The following TMEM39B variants were observed in gnomAD, a reference collection of about 807,000 sequenced individuals.
The protein encoded by TMEM39B is transmembrane protein 39B.
In TMEM39B, 23 loss-of-function variants were observed where a neutral mutation model predicts 52.2. The observed-to-expected ratio is 0.44, with a 90% CI of 0.32 to 0.62. The LOEUF (loss-of-function observed/expected upper bound fraction) is 0.62, where lower values mean the gene tolerates loss of function less well. Ranked by LOEUF, TMEM39B falls within the 20% of genes least tolerant of loss-of-function variation. The pLI, the probability that TMEM39B is intolerant of heterozygous loss-of-function variation, is 0.06. For missense variants in TMEM39B, 547 were observed against 642.0 expected (o/e 0.85, Z 1.60); for synonymous variants, 285 against 264.0 (o/e 1.08, Z -0.77).
intron 1 of TMEM39B, among the ~76,000 whole-genome samples, chr1:32,074,309 A>AGTT (rs1639761877): frequency 6.6e-6 from 1 of 152,100 alleles, no homozygotes; most frequent in African/African-American, 2.4e-5. Flanking sequence ...AGGCCTCCAG[A>AGTT]AACTTATGTC....
chr1:32,096,111 TCTC>T lies in TMEM39B; in HGVS notation c.1115+1144_1115+1146del, dbSNP rs569417688. ...CTGCTCTTCAGCAAAGCAAAGCAAATCTCCTCAGGTCCTCATATGCTTTATGCA... is the reference window on the plus strand; with the variant it reads ...CTGCTCTTCAGCAAAGCAAAGCAAATCTCAGGTCCTCATATGCTTTATGCA... On this transcript the variant is annotated intron_variant, in intron 7 of 8. Transcript: ENST00000336294. Among the ~76,000 whole-genome samples the T allele has an allele frequency of 1.5e-3, 227 of 152,246 alleles. 2 individuals are homozygous for T. Among genetic ancestry groups the T allele is most frequent in the African/African-American group, 5.3e-3 (222 of 41,558 alleles).
intron 1 of TMEM39B, chr1:32,073,372 C>T (rs1398334667): frequency 2.5e-6 from 1 of 404,892 alleles, no homozygotes; most frequent in African/African-American, 2.1e-5. Flanking sequence ...GGTGGAGATT[C>T]TGGGCAGGGG....
chr1:32,075,760 A>G lies in TMEM39B; in HGVS notation c.289A>G (p.Ile97Val), dbSNP rs1639825495. 1.3e-6 allele frequency: 2 copies of G among 1,550,916 alleles called. No individual in the cohort carries two copies. The highest frequency in any genetic ancestry group is 1.7e-4 in the Middle Eastern group (1 of 5,962). Reference protein sequence around the residue: ...CQLIALFVHYINIYKTVWWYP... With the variant: ...CQLIALFVHYVNIYKTVWWYP... The stretch of plus-strand genomic sequence containing the variant: ...GCTCATAGCACTCTTCGTCCACTAC[A>G]TCAACATCTACAAGACAGTGTGGTG... Residue 97 changes from isoleucine to valine, a missense_variant, in exon 3 of 9, where the codon ATC becomes GTC. Ile to Val is a conservative substitution (Grantham distance 29, BLOSUM62 3). Transcript: ENST00000336294.
chr1:32,084,654 C>T (rs182379842), intron 5 of TMEM39B, among the ~76,000 whole-genome samples: 5 of 152,142 alleles, frequency 3.3e-5, no homozygotes, highest in African/African-American at 1.2e-4. Context: ...ACTGCAACCT[C>T]CGCCTCCCGA....
intron 1 of TMEM39B, chr1:32,073,283 T>C (rs1639713998): frequency 3.7e-6 from 2 of 540,526 alleles, no homozygotes. Context: ...CTGTGGGGGC[T>C]TGGGCTTTCG....
intron 5 of TMEM39B, among the ~76,000 whole-genome samples, chr1:32,078,019 G>A (rs1051764452): frequency 4.6e-5 from 7 of 152,040 alleles, no homozygotes; most frequent in Non-Finnish European, 8.8e-5. Context: ...ATTAACAGTC[G>A]TTTCCCAACC....
intron 5 of TMEM39B, among the ~76,000 whole-genome samples, chr1:32,084,808 C>A (rs1383003492): frequency 6.6e-6 from 1 of 152,106 alleles, no homozygotes; most frequent in African/African-American, 2.4e-5. Context: ...CCTCGTGACC[C>A]ACCCACCTCA....
At chr1:32,102,399 C>T (rs761309222) in intron 8 of TMEM39B, 32 bp from the exon 9 acceptor site, 14 of 1,601,382 alleles carry the variant, frequency 8.7e-6, no homozygotes, top group Admixed American at 1.7e-5. Context: ...CTGGAGCACA[C>T]CTTTTAGCCA....
intron 5 of TMEM39B, among the ~76,000 whole-genome samples, chr1:32,081,223 CAG>C (rs1456826364): frequency 2.7e-5 from 4 of 150,582 alleles, no homozygotes; most frequent in African/African-American, 1.0e-4. Flanking sequence ...TGTTTACAGA[CAG>C]AGTCTGTAAA....
At chr1:32,077,090 C>T in intron 4 of TMEM39B, 74 bp from the exon 5 acceptor site, 1 of 1,582,232 alleles carries the variant, frequency 6.3e-7, no homozygotes. Flanking sequence ...ACAGGTCATG[C>T]TGGGTGGGAT....
chr1:32,094,059 C>T (rs1375579820), intron 6 of TMEM39B, among the ~76,000 whole-genome samples: 2 of 149,442 alleles, frequency 1.3e-5, no homozygotes, highest in Admixed American at 6.8e-5. Flanking sequence ...ACCTTGTGAT[C>T]CACCCACCTT....
chr1:32,079,598 G>A (rs1384638893), intron 5 of TMEM39B, among the ~76,000 whole-genome samples: 5 of 151,754 alleles, frequency 3.3e-5, no homozygotes, highest in Non-Finnish European at 7.4e-5. Context: ...GCACCTCATC[G>A]GCATAGCACA....
rs538776485 is a variant in TMEM39B, at chr1:32,083,201, C to T, written c.590+5883C>T. ...CCAAGTTCAAGTGATTCTCCTCCCT[C>T]AGCTCCCGAGTAGCTGGGATTACAG... On this transcript the variant is annotated intron_variant, in intron 5 of 8. Coordinates refer to ENST00000336294, the MANE Select transcript of TMEM39B (RefSeq NM_018056.4). Among the ~76,000 whole-genome samples, 24 of 148,492 alleles carry T rather than the reference C, an allele frequency of 1.6e-4. No homozygotes were observed. The East Asian group carries it at 1.8e-3, about 11-fold the overall frequency.
At chr1:32,084,816 T>G (rs1346091954) in intron 5 of TMEM39B, among the ~76,000 whole-genome samples, 1 of 152,138 alleles carries the variant, frequency 6.6e-6, no homozygotes, top group Non-Finnish European at 1.5e-5. Flanking sequence ...CCCACCCACC[T>G]CAGCCTCCCA....
At chr1:32,096,148 T>A (rs1390995663) in intron 7 of TMEM39B, among the ~76,000 whole-genome samples, 1 of 152,134 alleles carries the variant, frequency 6.6e-6, no homozygotes, top group Non-Finnish European at 1.5e-5. Flanking sequence ...CACTTGTGCC[T>A]TCAGGATTTT....
chr1:32,099,113 C>T (rs1379767418), intron 7 of TMEM39B, among the ~76,000 whole-genome samples: 6 of 151,706 alleles, frequency 4.0e-5, no homozygotes, highest in African/African-American at 7.3e-5. Flanking sequence ...ATTAGCCGGG[C>T]GTGGTGGCAG....
At chr1:32,095,919 T>C (rs1640790769) in intron 7 of TMEM39B, among the ~76,000 whole-genome samples, 1 of 152,168 alleles carries the variant, frequency 6.6e-6, no homozygotes, top group African/African-American at 2.4e-5. Flanking sequence ...AGGCTTGGCT[T>C]AGCCTTGGGC....
rs776438145 is a variant in TMEM39B at position 32,102,628 on chromosome 1, A to G, written c.1434A>G (p.Ser478=). The change falls in exon 9 of 9, where the codon TCA becomes TCG. Residue 478 remains serine (S), a synonymous_variant. Coordinates refer to ENST00000336294, the MANE Select transcript of TMEM39B (RefSeq NM_018056.4). ...RDRLVLGKAY[S]YSASPQRDLD... ...GCTTGGTATTGGGCAAGGCCTACTC[A>G]TACTCTGCTAGCCCCCAGAGAGACC... 2 of 1,610,434 alleles carry G rather than the reference A, an allele frequency of 1.2e-6. No individual in the cohort carries two copies. The highest frequency in any genetic ancestry group is 1.7e-6 in the Non-Finnish European group (2 of 1,177,894).
chr1:32,087,249 G>T (rs6676851), intron 5 of TMEM39B, among the ~76,000 whole-genome samples: 18,925 of 149,558 alleles, frequency 0.13, 1,608 homozygotes, highest in South Asian at 0.24. Context: ...ACCCGGGAGG[G>T]GGAGGTTGCA....
Sources: allele counts gnomAD v4.1 joint callset (sites outside exome capture counted in the v4.1 genomes callset), GRCh38; gene constraint gnomAD v4.1.1; transcripts MANE v1.5; gene names NCBI Gene and HGNC (gene_info 2026-07-23, HGNC 2026-07-21).